ZNF804A: variants seen among roughly 807,000 people sequenced by gnomAD.
ZNF804A encodes the protein zinc finger protein 804A.
ZNF804A carries 2 observed loss-of-function variants against 16.5 expected under a neutral mutation model. The ratio of observed to expected loss-of-function variants is 0.12; its 90% CI spans 0.05 to 0.38. ZNF804A has a LOEUF of 0.38. ZNF804A is among the 10% of genes least tolerant of loss of function. The pLI is 0.99. For synonymous variants in ZNF804A, 534 were observed against 489.6 expected (o/e 1.09, Z -1.20); for missense variants, 1,473 against 1,390.7 (o/e 1.06, Z -0.94).
intron 1 of ZNF804A, among the ~76,000 whole-genome samples, chr2:184,721,824 A>T (rs1250762810): frequency 6.6e-6 from 1 of 152,148 alleles, no homozygotes; most frequent in East Asian, 1.9e-4. Flanking sequence ...AATAGCAAAG[A>T]TACAGGATCA....
At chr2:184,899,042 T>A (rs1224140420) in intron 2 of ZNF804A, among the ~76,000 whole-genome samples, 1 of 151,938 alleles carries the variant, frequency 6.6e-6, no homozygotes, top group African/African-American at 2.4e-5. Context: ...AAAATACTTA[T>A]TCAGTGGTGG....
At chr2:184,827,414 CTT>C (rs1156700862) in intron 1 of ZNF804A, among the ~76,000 whole-genome samples, 1 of 145,378 alleles carries the variant, frequency 6.9e-6, no homozygotes, top group Non-Finnish European at 1.5e-5. Flanking sequence ...AAATTGATAA[CTT>C]TATATATATT....
At chr2:184,706,631 G>A (rs1040686816) in intron 1 of ZNF804A, among the ~76,000 whole-genome samples, 8 of 152,076 alleles carry the variant, frequency 5.3e-5, no homozygotes, top group Non-Finnish European at 1.2e-4. Context: ...GAGAGATATG[G>A]AGTCTTCAGA....
chr2:184,624,391 A>G (rs1430251317), intron 1 of ZNF804A, among the ~76,000 whole-genome samples: 1 of 152,162 alleles, frequency 6.6e-6, no homozygotes, highest in Non-Finnish European at 1.5e-5. Context: ...ACTTTGATAA[A>G]AATATAATTT....
chr2:184,766,313 T>G (rs2105766058), intron 1 of ZNF804A, among the ~76,000 whole-genome samples: 1 of 152,206 alleles, frequency 6.6e-6, no homozygotes, highest in Non-Finnish European at 1.5e-5. Flanking sequence ...TAGATAAGTT[T>G]TAATCTGCAA....
At chr2:184,747,321 C>CA (rs397986917) in intron 1 of ZNF804A, among the ~76,000 whole-genome samples, 19,245 of 77,956 alleles carry the variant, frequency 0.25, 2,213 homozygotes, top group East Asian at 0.34. Flanking sequence ...AATCTTGCTG[C>CA]AAAAAAAAAA....
chr2:184,846,385 T>C (rs1695517648), intron 1 of ZNF804A, among the ~76,000 whole-genome samples: 1 of 152,162 alleles, frequency 6.6e-6, no homozygotes, highest in Non-Finnish European at 1.5e-5. Flanking sequence ...GGCCAATGCC[T>C]ATACATATAA....
intron 1 of ZNF804A, 89 bp downstream of exon 1, chr2:184,599,159 G>T (rs1205175943): frequency 1.8e-6 from 2 of 1,087,374 alleles, no homozygotes; most frequent in African/African-American, 3.2e-5. Context: ...GATTCAGTTT[G>T]GTTTATAATT....
intron 1 of ZNF804A, among the ~76,000 whole-genome samples, chr2:184,749,625 CT>C (rs920493062): frequency 1.3e-5 from 2 of 151,042 alleles, no homozygotes; most frequent in African/African-American, 4.8e-5. Context: ...AATATTGTAT[CT>C]TTTTTATGTT....
rs1371294957 is a variant in ZNF804A at position 184,654,374 on chromosome 2, A to C, written c.111+55304A>C. 3.9e-5 allele frequency among the ~76,000 whole-genome samples: 6 copies of C among 152,228 alleles called. No homozygotes were observed. The East Asian group carries it at 1.2e-3, about 29-fold the overall frequency. On this transcript the variant is annotated intron_variant, in intron 1 of 3. Transcript: ENST00000302277. ...TTTTTCTGGTTGGTTCTGAGTTGGA[A>C]ATAAGGGCAAAAAAAATTGGGAAGG...
chr2:184,738,372 A>G (rs1693666162), intron 1 of ZNF804A, among the ~76,000 whole-genome samples: 1 of 152,152 alleles, frequency 6.6e-6, no homozygotes, highest in Non-Finnish European at 1.5e-5. Context: ...ATGGACAATT[A>G]GAGTCTTAGA....
At chr2:184,768,914 C>T (rs1694169932) in intron 1 of ZNF804A, among the ~76,000 whole-genome samples, 1 of 152,040 alleles carries the variant, frequency 6.6e-6, no homozygotes, top group Non-Finnish European at 1.5e-5. Context: ...GATTTTGTCT[C>T]ATCTTAATCA....
chr2:184,789,807 T>C (rs1252142328), intron 1 of ZNF804A, among the ~76,000 whole-genome samples: 3 of 152,140 alleles, frequency 2.0e-5, no homozygotes, highest in Non-Finnish European at 2.9e-5. Context: ...TTTGTATCTT[T>C]ATTTAATCTG....
Position 184,776,438 on chromosome 2 carries a change from A to G in ZNF804A, c.112-89931A>G, listed in dbSNP as rs1694286315. ...TGTCATTATTGAGTGATTAGATGAC[A>G]CTTTGGAGGTTCAGGTTTTGTTGGT... is the stretch of plus-strand genomic sequence containing the variant. On this transcript the variant is annotated intron_variant, in intron 1 of 3. Transcript: ENST00000302277. Among the ~76,000 whole-genome samples the G allele has an allele frequency of 2.6e-5, 4 of 151,490 alleles. No individual in the cohort carries two copies. The South Asian group carries it at 8.3e-4, about 31-fold the overall frequency.
chr2:184,649,234 GA>G (rs1292455292), intron 1 of ZNF804A, among the ~76,000 whole-genome samples: 1 of 152,032 alleles, frequency 6.6e-6, no homozygotes, highest in East Asian at 1.9e-4. Context: ...TTGAATAAAT[GA>G]AAATAATAAC....
At chr2:184,922,287 A>G (rs1443482575) in intron 2 of ZNF804A, among the ~76,000 whole-genome samples, 1 of 152,086 alleles carries the variant, frequency 6.6e-6, no homozygotes, top group African/African-American at 2.4e-5. Context: ...TTTGGATAAA[A>G]ACCATTTTAA....
chr2:184,846,929 A>G lies in ZNF804A; in HGVS notation c.112-19440A>G, dbSNP rs149391049. 3.4e-3 allele frequency among the ~76,000 whole-genome samples: 524 copies of G among 152,246 alleles called. 6 individuals are homozygous for G. The highest frequency in any genetic ancestry group is 0.012 in the African/African-American group (493 of 41,572). On this transcript the variant is annotated intron_variant, in intron 1 of 3. Coordinates refer to ENST00000302277, the MANE Select transcript of ZNF804A (RefSeq NM_194250.2). ...ACTGTGACAGCTGAGGCTTATGGGA[A>G]CTATCCTTCTTGTACATGAACAGAT... is the stretch of plus-strand genomic sequence containing the variant.
At chr2:184,700,931 CA>C (rs1168326151) in intron 1 of ZNF804A, among the ~76,000 whole-genome samples, 4 of 151,782 alleles carry the variant, frequency 2.6e-5, no homozygotes, top group Non-Finnish European at 5.9e-5. Context: ...TGAGGATATC[CA>C]TCACCTCAGA....
chr2:184,806,258 C>T (rs148858546), intron 1 of ZNF804A, among the ~76,000 whole-genome samples: 226 of 152,030 alleles, frequency 1.5e-3, no homozygotes, highest in African/African-American at 5.2e-3. Context: ...GCAAAAATTT[C>T]ATACTCTTAT....
Sources: allele counts gnomAD v4.1 joint callset (sites outside exome capture counted in the v4.1 genomes callset), GRCh38; gene constraint gnomAD v4.1.1; transcripts MANE v1.5; gene names NCBI Gene and HGNC (gene_info 2026-07-23, HGNC 2026-07-21).